The following GMDS variants were observed in gnomAD, a reference collection of about 807,000 sequenced individuals.
GMDS encodes GDP-mannose 4,6-dehydratase, also known as GDP-mannose 4,6 dehydratase.
A neutral mutation model predicts 49.9 loss-of-function variants in GMDS; 20 were observed. The ratio of observed to expected loss-of-function variants is 0.40; its 90% CI spans 0.28 to 0.58. The LOEUF (loss-of-function observed/expected upper bound fraction) is 0.58, where lower values mean the gene tolerates loss of function less well. GMDS is among the 20% of genes least tolerant of loss of function. The pLI is 0.42. For missense variants in GMDS, 362 were observed against 481.4 expected, an observed-to-expected ratio of 0.75 and a Z score of 2.32; for synonymous variants, 177 against 178.6, an observed-to-expected ratio of 0.99 and a Z score of 0.07.
chr6:1,685,122 T>G, intron 9 of GMDS, among the ~76,000 whole-genome samples: 1 of 151,802 alleles, frequency 6.6e-6, no homozygotes, highest in East Asian at 1.9e-4. Flanking sequence ...GGAGGCTGAG[T>G]GCGGTGGCTC....
intron 1 of GMDS, among the ~76,000 whole-genome samples, chr6:2,240,601 CAAAAAAAAAAAA>C (rs57052982): frequency 1.2e-5 from 1 of 84,070 alleles, no homozygotes; most frequent in Non-Finnish European, 2.7e-5. Context: ...AAGACTGTCT[CAAAAAAAAAAAA>C]AAAAAAAGAA....
At chr6:1,924,237 G>T (rs946357669) in intron 7 of GMDS, among the ~76,000 whole-genome samples, 3 of 152,182 alleles carry the variant, frequency 2.0e-5, no homozygotes, top group African/African-American at 7.2e-5. Flanking sequence ...GATTCAGTCT[G>T]TGCTCACTGT....
At chr6:2,062,638 A>C (rs1466339513) in intron 4 of GMDS, among the ~76,000 whole-genome samples, 1 of 152,240 alleles carries the variant, frequency 6.6e-6, no homozygotes, top group Non-Finnish European at 1.5e-5. Context: ...TCATTCAAAA[A>C]AACAAAAGTC....
At chr6:2,071,995 G>T (rs576398396) in intron 4 of GMDS, among the ~76,000 whole-genome samples, 1 of 152,162 alleles carries the variant, frequency 6.6e-6, no homozygotes, top group Non-Finnish European at 1.5e-5. Flanking sequence ...CTTTGCATTC[G>T]TAGAACAATT....
intron 7 of GMDS, among the ~76,000 whole-genome samples, chr6:1,777,469 T>G (rs755149636): frequency 2.0e-5 from 3 of 152,262 alleles, no homozygotes; most frequent in Non-Finnish European, 4.4e-5. Flanking sequence ...AAGGCTGAAG[T>G]CACTTTATTT....
intron 4 of GMDS, among the ~76,000 whole-genome samples, chr6:2,108,936 G>A (rs1774392945): frequency 6.6e-6 from 1 of 152,104 alleles, no homozygotes. Context: ...AAAAACAAAG[G>A]ATCCAAAACA....
chr6:2,202,097 C>G lies in GMDS; in HGVS notation c.102+43224G>C, dbSNP rs369039738. ...AAGGATGAAGAGAGAGCACCACATG[C>G]ACATCCGAGATGTAACCATCTAGGC... is the stretch of plus-strand genomic sequence containing the variant. On this transcript the variant is annotated intron_variant, in intron 1 of 10. Transcript: ENST00000380815. Among the ~76,000 whole-genome samples the G allele has an allele frequency of 1.7e-4, 20 of 116,222 alleles. No homozygotes were observed. In the South Asian group the frequency reaches 3.8e-3, roughly 22 times the overall value. The allele number at this position is 116,222 out of a possible 152,430, so 76.2% of individuals were successfully genotyped here.
intron 4 of GMDS, among the ~76,000 whole-genome samples, chr6:1,977,547 C>T (rs1287665887): frequency 6.6e-6 from 1 of 152,122 alleles, no homozygotes; most frequent in African/African-American, 2.4e-5. Flanking sequence ...GAATACAGCA[C>T]CCTTAGCTGA....
intron 9 of GMDS, among the ~76,000 whole-genome samples, chr6:1,724,756 A>T (rs1394489967): frequency 1.3e-5 from 2 of 152,190 alleles, no homozygotes; most frequent in African/African-American, 4.8e-5. Flanking sequence ...AGTCCCTGCT[A>T]TGTCAGCACA....
intron 7 of GMDS, among the ~76,000 whole-genome samples, chr6:1,916,189 T>C (rs577712775): frequency 1.3e-5 from 2 of 152,336 alleles, no homozygotes; most frequent in South Asian, 2.1e-4. Flanking sequence ...ACTGACAACA[T>C]GGCTGTAGGG....
chr6:2,085,095 C>T (rs545918718), intron 4 of GMDS, among the ~76,000 whole-genome samples: 1 of 152,230 alleles, frequency 6.6e-6, no homozygotes, highest in East Asian at 1.9e-4. Context: ...TACTCTTCTA[C>T]AGTCCTATTT....
intron 1 of GMDS, among the ~76,000 whole-genome samples, chr6:2,238,128 C>G (rs1490027918): frequency 6.6e-6 from 1 of 151,392 alleles, no homozygotes; most frequent in Non-Finnish European, 1.5e-5. Flanking sequence ...TGGCTCACAC[C>G]TGTATTATCA....
intron 4 of GMDS, among the ~76,000 whole-genome samples, chr6:2,048,361 C>T (rs1258444798): frequency 6.6e-6 from 1 of 152,214 alleles, no homozygotes; most frequent in Non-Finnish European, 1.5e-5. Flanking sequence ...CAAGGCACTA[C>T]ACAAAGTCCT....
At chr6:2,039,296 T>G (rs1769505396) in intron 4 of GMDS, among the ~76,000 whole-genome samples, 1 of 152,134 alleles carries the variant, frequency 6.6e-6, no homozygotes, top group Non-Finnish European at 1.5e-5. Context: ...AGTGGTGAGT[T>G]GATGTGAAGG....
intron 7 of GMDS, 143 bp from the exon 8 acceptor site, chr6:1,742,729 G>A (rs1767322645): frequency 3.5e-6 from 2 of 563,974 alleles, no homozygotes; most frequent in Non-Finnish European, 6.4e-6. Flanking sequence ...CAACAGCAAT[G>A]GCTCCCAACT....
At chr6:1,968,257 A>G (rs986631088) in intron 4 of GMDS, among the ~76,000 whole-genome samples, 1 of 152,240 alleles carries the variant, frequency 6.6e-6, no homozygotes, top group East Asian at 1.9e-4. Context: ...TATCACTTAT[A>G]TTAGATGATT....
chr6:2,111,736 G>T (rs1774554508), intron 4 of GMDS, among the ~76,000 whole-genome samples: 1 of 152,056 alleles, frequency 6.6e-6, no homozygotes, highest in Non-Finnish European at 1.5e-5. Flanking sequence ...CAAATAACAA[G>T]AAATTTAATT....
intron 1 of GMDS, among the ~76,000 whole-genome samples, chr6:2,240,803 T>TA (rs1173046957): frequency 6.6e-6 from 1 of 152,182 alleles, no homozygotes; most frequent in Non-Finnish European, 1.5e-5. Flanking sequence ...ATCAATGTCA[T>TA]AAGGAAGATG....
At chr6:2,178,142 GGAA>G (rs1468189124) in intron 1 of GMDS, among the ~76,000 whole-genome samples, 1 of 152,174 alleles carries the variant, frequency 6.6e-6, no homozygotes, top group Admixed American at 6.5e-5. Flanking sequence ...CTGGCGGGAG[GGAA>G]GAAGGAGAGC....
Sources: allele counts gnomAD v4.1 joint callset (sites outside exome capture counted in the v4.1 genomes callset), GRCh38; gene constraint gnomAD v4.1.1; transcripts MANE v1.5; gene names NCBI Gene and HGNC (gene_info 2026-07-23, HGNC 2026-07-21).